The following POLR3G variants were observed in gnomAD, a reference collection of about 807,000 sequenced individuals.
The protein encoded by POLR3G is RNA polymerase III subunit G, also known as DNA-directed RNA polymerase III subunit RPC7.
Under a neutral mutation model 30.1 loss-of-function variants are expected in POLR3G, and 28 were observed. The observed-to-expected ratio is 0.93, with a 90% CI of 0.69 to 1.27. The LOEUF (loss-of-function observed/expected upper bound fraction) is 1.27. Ranked by LOEUF, POLR3G falls within the 50% of genes most tolerant of loss-of-function variation. The probability of loss-of-function intolerance (pLI) is 0.00; values close to 1 mark genes in which losing one functional copy is unlikely to be tolerated. For synonymous variants in POLR3G, 79 were observed against 82.5 expected (o/e 0.96, Z 0.23); for missense variants, 254 against 264.6 (o/e 0.96, Z 0.28).
rs1752272828 is a variant in POLR3G at position 90,502,080 on chromosome 5, AC to A, written c.438+93del. On this transcript the variant is annotated intron_variant, in intron 6 of 7. Coordinates refer to ENST00000651687, the MANE Select transcript of POLR3G (RefSeq NM_006467.3). ...TGTTTCAACCTTTCAGCATTCTCTT[AC>A]TTTTTAATAATGTAAATTTGGCAGA... 4.6e-6 allele frequency: 7 copies of A among 1,507,052 alleles called. No individual in the cohort carries two copies. The South Asian group carries it at 9.0e-5, about 19-fold the overall frequency. 93.4% of individuals were successfully genotyped at this position (1,507,052 alleles called of 1,614,324 possible). A position where few individuals can be genotyped will look rare whatever the true frequency, so the allele number is the denominator to read the frequency against.
At chr5:90,509,747 G>C (rs1752648804) in intron 7 of POLR3G, among the ~76,000 whole-genome samples, 1 of 152,166 alleles carries the variant, frequency 6.6e-6, no homozygotes, top group South Asian at 2.1e-4. Flanking sequence ...AGATAAATCG[G>C]TATGGCGGGA....
chr5:90,506,323 C>T (rs1014361737), intron 6 of POLR3G, among the ~76,000 whole-genome samples: 1 of 152,138 alleles, frequency 6.6e-6, no homozygotes, highest in African/African-American at 2.4e-5. Flanking sequence ...TATTAAGTAA[C>T]AAAATCAAAG....
chr5:90,509,746 G>A (rs1320301001), intron 7 of POLR3G, among the ~76,000 whole-genome samples: 3 of 152,116 alleles, frequency 2.0e-5, no homozygotes, highest in South Asian at 2.1e-4. Flanking sequence ...CAGATAAATC[G>A]GTATGGCGGG....
At chr5:90,474,452 AG>A, upstream of POLR3G, 2 of 664,542 alleles carry the variant, frequency 3.0e-6, no homozygotes, top group African/African-American at 1.8e-5. Flanking sequence ...TCGGAATAGG[AG>A]GAGGAAGGAC....
rs1752792492 is a variant in POLR3G at position 90,512,620 on chromosome 5, C to T, written c.*481C>T. 6.5e-6 allele frequency: 1 copy of T among 153,146 alleles called. No homozygotes were observed. The highest frequency in any genetic ancestry group is 1.5e-5 in the Non-Finnish European group (1 of 68,436). The allele number at this position is 153,146 out of a possible 1,614,324, so 9.5% of individuals were successfully genotyped here. A position where few individuals can be genotyped will look rare whatever the true frequency, so the allele number is the denominator to read the frequency against. ...TTACATGGTGTGTTCTAGACTACTGCATTATGACTACATAAACCTACCTGA... is the reference window on the plus strand; with the variant it reads ...TTACATGGTGTGTTCTAGACTACTGTATTATGACTACATAAACCTACCTGA... On this transcript the variant is annotated 3_prime_UTR_variant, in exon 8 of 8. Transcript: ENST00000651687.
intron 7 of POLR3G, among the ~76,000 whole-genome samples, chr5:90,511,826 T>C (rs1354547615): frequency 7.2e-5 from 11 of 152,238 alleles, no homozygotes; most frequent in African/African-American, 2.4e-4. Context: ...TTAGTAGCTA[T>C]ATTATCCTAT....
chr5:90,507,371 T>C (rs27198), intron 7 of POLR3G, among the ~76,000 whole-genome samples: 103,493 of 152,054 alleles, frequency 0.68, 35,714 homozygotes, highest in African/African-American at 0.79. Flanking sequence ...TTTGCTTCTC[T>C]GGAAACTTCC....
At position 90,485,591 on chromosome 5, in the gene POLR3G, A is replaced by T; in HGVS notation, c.24A>T (p.Gly8=). Reference sequence around the variant, plus strand: ...TGATGGCTGGGAATAAAGGAAGAGGACGTGCTGCTTATACCTTTAATATTG... The same window carrying T: ...TGATGGCTGGGAATAAAGGAAGAGGTCGTGCTGCTTATACCTTTAATATTG... MAGNKGR[G]RAAYTFNIEA... is the part of the protein sequence containing the mutation. The change falls in exon 2 of 8, where the codon GGA becomes GGT. Residue 8 remains glycine (G), a synonymous_variant. Coordinates refer to ENST00000651687, the MANE Select transcript of POLR3G (RefSeq NM_006467.3). 1 of 1,613,762 alleles carries T rather than the reference A, an allele frequency of 6.2e-7. No individual in the cohort carries two copies. Among genetic ancestry groups the T allele is most frequent in the East Asian group, 2.2e-5 (1 of 44,864 alleles).
At chr5:90,491,169 TG>T (rs1461528249) in intron 3 of POLR3G, among the ~76,000 whole-genome samples, 1 of 152,238 alleles carries the variant, frequency 6.6e-6, no homozygotes. Context: ...CTTCAAAGTT[TG>T]TTTTTAATGT....
chr5:90,506,784 C>A (rs1316753417), intron 7 of POLR3G, 110 bp downstream of exon 7: 1 of 1,380,378 alleles, frequency 7.2e-7, no homozygotes. Context: ...TGATGGGAAC[C>A]AGAAGTATAT....
In POLR3G at chr5:90,506,620, C is replaced by T. The variant is rs548344039; in HGVS notation, c.531C>T (p.Asp177=). The T allele has an allele frequency of 1.5e-5, 24 of 1,612,404 alleles. No homozygotes were observed. Among genetic ancestry groups the T allele is most frequent in the South Asian group, 4.4e-5 (4 of 90,800 alleles). The change falls in exon 7 of 8, where the codon GAC becomes GAT. Residue 177 remains aspartate (D), a synonymous_variant. Transcript: ENST00000651687. Reference sequence around the variant, plus strand: ...AGAAAAGTAAAGAAGGTGATGATGACGATGACGATGATGCCGCAGAACAGG... The same window carrying T: ...AGAAAAGTAAAGAAGGTGATGATGATGATGACGATGATGCCGCAGAACAGG... ...SKEKSKEGDD[D]DDDDAAEQEE... is the part of the protein sequence containing the mutation.
intron 5 of POLR3G, 70 bp from the exon 6 acceptor site, chr5:90,501,836 G>A (rs750623806): frequency 3.4e-5 from 53 of 1,563,052 alleles, no homozygotes; most frequent in Middle Eastern, 1.7e-4. Flanking sequence ...GACAGCATAC[G>A]CAAAGACAAG....
Position 90,512,082 on chromosome 5 carries a change from A to C in POLR3G, c.615A>C (p.Glu205Asp). Reference sequence around the variant, plus strand: ...ATGACTACATTAATTCATACTTTGAAGATGGAGATGATTTTGGCGCAGACA... The same window carrying C: ...ATGACTACATTAATTCATACTTTGACGATGGAGATGATTTTGGCGCAGACA... Reference protein sequence around the residue: ...EENDYINSYFEDGDDFGADSD... With the variant: ...EENDYINSYFDDGDDFGADSD... Residue 205 changes from glutamate (E) to aspartate (D), a missense_variant, in exon 8 of 8, where the codon GAA (glutamate) becomes GAC (aspartate). Coordinates refer to ENST00000651687, the MANE Select transcript of POLR3G (RefSeq NM_006467.3). 1 of 1,607,902 alleles carries C rather than the reference A, an allele frequency of 6.2e-7. No homozygotes were observed. The highest frequency in any genetic ancestry group is 1.1e-5 in the South Asian group (1 of 90,890).
chr5:90,474,089 G>C (rs112359474), upstream of POLR3G: 2,461 of 1,575,016 alleles, frequency 1.6e-3, 37 homozygotes, highest in African/African-American at 0.029. Flanking sequence ...CGTCCTCTTT[G>C]GCCTCTCGGT....
At chr5:90,480,873 A>G (rs1206412772) in intron 1 of POLR3G, among the ~76,000 whole-genome samples, 3 of 152,126 alleles carry the variant, frequency 2.0e-5, no homozygotes, top group Non-Finnish European at 2.9e-5. Context: ...CAGTTTTGAT[A>G]CTTGGGAGAT....
At chr5:90,492,574 C>T (rs186592962) in intron 3 of POLR3G, among the ~76,000 whole-genome samples, 10 of 152,174 alleles carry the variant, frequency 6.6e-5, no homozygotes, top group Admixed American at 6.5e-4. Context: ...CTGGGCCATC[C>T]TCTCTTCAAT....
intron 6 of POLR3G, among the ~76,000 whole-genome samples, chr5:90,506,099 T>G (rs945206705): frequency 1.3e-5 from 2 of 151,868 alleles, no homozygotes; most frequent in African/African-American, 4.8e-5. Flanking sequence ...CTTGGTGGTA[T>G]GCACCTGTAG....
At chr5:90,505,355 G>T (rs1404069664) in intron 6 of POLR3G, among the ~76,000 whole-genome samples, 1 of 152,100 alleles carries the variant, frequency 6.6e-6, no homozygotes, top group Non-Finnish European at 1.5e-5. Context: ...GAAAACTTGT[G>T]AAATTCTATC....
intron 3 of POLR3G, among the ~76,000 whole-genome samples, chr5:90,492,337 C>T (rs1751765773): frequency 6.6e-6 from 1 of 152,134 alleles, no homozygotes; most frequent in Non-Finnish European, 1.5e-5. Flanking sequence ...CTGGAACATC[C>T]TGTTTGCTAA....
Sources: gnomAD v4.1 joint callset for allele counts (sites outside exome capture counted in the v4.1 genomes callset) on GRCh38, gnomAD v4.1.1 for gene constraint, MANE v1.5 for transcripts, NCBI Gene and HGNC (gene_info 2026-07-23, HGNC 2026-07-21) for gene names.